The following RIPOR2 variants were observed in gnomAD, a reference collection of about 807,000 sequenced individuals.
RIPOR2 encodes the protein RHO family interacting cell polarization regulator 2, also known as rho family-interacting cell polarization regulator 2.
RIPOR2 carries 39 observed loss-of-function variants against 114.5 expected under a neutral mutation model. The ratio of observed to expected loss-of-function variants is 0.34; its 90% CI spans 0.26 to 0.44. The LOEUF is 0.44. Ranked by LOEUF, RIPOR2 falls within the 20% of genes least tolerant of loss-of-function variation. The pLI is 1.00. For synonymous variants in RIPOR2, 445 were observed against 484.4 expected (o/e 0.92, Z 1.07); for missense variants, 1,007 against 1,255.1 (o/e 0.80, Z 2.99).
chr6:24,829,130 T>C (rs1474263654), intron 17 of RIPOR2, among the ~76,000 whole-genome samples: 3 of 150,806 alleles, frequency 2.0e-5, no homozygotes, highest in African/African-American at 4.9e-5. Context: ...CCTGGCAACA[T>C]GGCGGAACCC....
intron 12 of RIPOR2, chr6:24,847,730 G>C (rs1306784416): frequency 2.0e-6 from 3 of 1,529,548 alleles, no homozygotes; most frequent in African/African-American, 2.8e-5. Context: ...TTAGTGGGAA[G>C]AATCAGGTTA....
Position 25,037,653 on chromosome 6 carries a change from T to TA in RIPOR2, c.76+4197_76+4198insT, listed in dbSNP as rs1777307997. ...ACCTTGGTTTGATTATTATTATTAT[T>TA]TTTTTACTACACTGCTATGGACTAG... On this transcript the variant is annotated intron_variant, in intron 1 of 13. Coordinates refer to the RIPOR2 transcript ENST00000510784. The surrounding 1 kb of genome is among the most constrained non-coding windows in gnomAD (Gnocchi z 4.5). Among the ~76,000 whole-genome samples, 1 of 152,232 alleles carries TA rather than the reference T, an allele frequency of 6.6e-6. No homozygotes were observed. The highest frequency in any genetic ancestry group is 1.5e-5 in the Non-Finnish European group (1 of 68,048).
intron 1 of RIPOR2, among the ~76,000 whole-genome samples, chr6:24,900,603 C>T (rs906349055): frequency 4.6e-5 from 7 of 151,888 alleles, no homozygotes; most frequent in African/African-American, 1.7e-4. Context: ...ACAAAAAATA[C>T]AAAAATTAGC....
rs1219650409 is a variant in RIPOR2, at chr6:25,001,552, G to A, written c.76+40299C>T. On this transcript the variant is annotated intron_variant, in intron 1 of 13. Transcript: ENST00000510784. ...AGGCAGGAGAATTGCTTGAACCCAG[G>A]AGGCAGAGGTTGCATTGAGCCAAGA... Among the ~76,000 whole-genome samples, 27 of 147,254 alleles carry A rather than the reference G, an allele frequency of 1.8e-4. No individual in the cohort carries two copies. The South Asian group carries it at 3.9e-3, about 21-fold the overall frequency.
chr6:24,820,096 A>C (rs1252015529), intron 19 of RIPOR2, among the ~76,000 whole-genome samples: 1 of 151,982 alleles, frequency 6.6e-6, no homozygotes, highest in Non-Finnish European at 1.5e-5. Context: ...GCAATGGCAC[A>C]AACTTGGCTC....
chr6:24,956,249 C>T (rs1310443965), intron 1 of RIPOR2, among the ~76,000 whole-genome samples: 1 of 152,140 alleles, frequency 6.6e-6, no homozygotes, highest in African/African-American at 2.4e-5. Context: ...CACATGCTAT[C>T]TCATAAATCT....
At chr6:24,966,454 C>T (rs560416460) in intron 1 of RIPOR2, among the ~76,000 whole-genome samples, 2 of 152,254 alleles carry the variant, frequency 1.3e-5, no homozygotes, top group African/African-American at 2.4e-5. Flanking sequence ...TTTAATACTG[C>T]GTTTTTGATT....
intron 1 of RIPOR2, among the ~76,000 whole-genome samples, chr6:25,003,484 A>G (rs934408048): frequency 1.3e-5 from 2 of 151,502 alleles, no homozygotes; most frequent in African/African-American, 4.9e-5. Flanking sequence ...ACTGGAGTGC[A>G]GTGGCGCAGT....
chr6:25,001,785 C>T (rs1323984402), intron 1 of RIPOR2, among the ~76,000 whole-genome samples: 6 of 149,598 alleles, frequency 4.0e-5, no homozygotes, highest in Admixed American at 1.3e-4. Context: ...CTGCAACCTC[C>T]GCCTCCCGGG....
chr6:24,850,761 C>G (rs747295688), intron 9 of RIPOR2, 39 bp from the exon 10 acceptor site: 2 of 1,610,754 alleles, frequency 1.2e-6, no homozygotes, highest in Non-Finnish European at 1.7e-6. Flanking sequence ...TGTCTTGCCA[C>G]CCCCTCTTCT....
intron 1 of RIPOR2, among the ~76,000 whole-genome samples, chr6:25,017,075 C>G (rs1776041834): frequency 6.6e-6 from 1 of 152,206 alleles, no homozygotes; most frequent in Admixed American, 6.5e-5. Context: ...CACGGTGGCT[C>G]ACGCCTGTAA....
At chr6:24,819,909 T>C (rs1396110466) in intron 19 of RIPOR2, among the ~76,000 whole-genome samples, 1 of 152,278 alleles carries the variant, frequency 6.6e-6, no homozygotes, top group Non-Finnish European at 1.5e-5. Context: ...TATTGGTTCA[T>C]AGGAAACTTA....
At chr6:24,960,694 T>A (rs1726434168) in intron 1 of RIPOR2, among the ~76,000 whole-genome samples, 1 of 152,118 alleles carries the variant, frequency 6.6e-6, no homozygotes, top group East Asian at 1.9e-4. Context: ...TGCACCTGGC[T>A]AATTTTTCCA....
chr6:24,914,592 T>C (rs1769926374), intron 1 of RIPOR2, among the ~76,000 whole-genome samples: 1 of 152,182 alleles, frequency 6.6e-6, no homozygotes, highest in Non-Finnish European at 1.5e-5. Context: ...AAACAAAGTG[T>C]TTGAACTTCA....
chr6:24,904,103 CG>C (rs1342545723), intron 1 of RIPOR2, among the ~76,000 whole-genome samples: 1 of 152,140 alleles, frequency 6.6e-6, no homozygotes, highest in Non-Finnish European at 1.5e-5. Flanking sequence ...AAGGTAGAAG[CG>C]GGGGCAAGGC....
At chr6:24,999,007 T>G (rs769115501) in intron 1 of RIPOR2, among the ~76,000 whole-genome samples, 75 of 152,328 alleles carry the variant, frequency 4.9e-4, no homozygotes, top group Middle Eastern at 3.4e-3. Context: ...CACATAGCAC[T>G]GAATCAGAGT....
Position 24,841,984 on chromosome 6 carries a change from C to A in RIPOR2, c.1857+878G>T, listed in dbSNP as rs563123858. ...GTTGGTTCTCGGCTTGCCCCTGCAA[C>A]CTTACTTTCAAGCCTTTTTACAGAC... On this transcript the variant is annotated intron_variant, in intron 13 of 21. Coordinates refer to ENST00000643898, the MANE Select transcript of RIPOR2 (RefSeq NM_001286445.3). Among the ~76,000 whole-genome samples, 26 of 152,252 alleles carry A rather than the reference C, an allele frequency of 1.7e-4. No homozygotes were observed. The South Asian group carries it at 3.9e-3, about 23-fold the overall frequency.
intron 21 of RIPOR2, among the ~76,000 whole-genome samples, chr6:24,808,038 C>T (rs144372415): frequency 6.6e-6 from 1 of 152,238 alleles, no homozygotes; most frequent in East Asian, 1.9e-4. Context: ...ATCCTGATGC[C>T]AAGGAACACT....
intron 10 of RIPOR2, among the ~76,000 whole-genome samples, 189 bp from the exon 11 acceptor site, chr6:24,850,139 C>T (rs1221229566): frequency 6.6e-6 from 1 of 150,600 alleles, no homozygotes; most frequent in Non-Finnish European, 1.5e-5. Flanking sequence ...CTCTGTCACC[C>T]AGGCTATAGT....
Sources: gnomAD v4.1 joint callset for allele counts (sites outside exome capture counted in the v4.1 genomes callset) on GRCh38, gnomAD v4.1.1 for gene constraint, Gnocchi (gnomAD v3.1) non-coding constraint, MANE v1.5 for transcripts, NCBI Gene and HGNC (gene_info 2026-07-23, HGNC 2026-07-21) for gene names.